WDPCP: variants seen among roughly 807,000 people sequenced by gnomAD.
WDPCP encodes WD repeat-containing and planar cell polarity effector protein fritz homolog.
Under a neutral mutation model 93.1 loss-of-function variants are expected in WDPCP, and 71 were observed. That is an observed-to-expected ratio of 0.76 (90% confidence interval 0.63 to 0.93). The LOEUF (loss-of-function observed/expected upper bound fraction) is 0.93, where lower values mean the gene tolerates loss of function less well. Among genes scored for constraint, WDPCP ranks in the 40% least tolerant of loss-of-function variants. The probability of loss-of-function intolerance (pLI) is 0.00; values close to 1 mark genes in which losing one functional copy is unlikely to be tolerated. For synonymous variants in WDPCP, 315 were observed against 315.0 expected (o/e 1.00, Z 0.00); for missense variants, 844 against 887.4 (o/e 0.95, Z 0.62).
At chr2:63,482,931 T>C (rs186974266) in intron 6 of WDPCP, among the ~76,000 whole-genome samples, 1 of 152,096 alleles carries the variant, frequency 6.6e-6, no homozygotes, top group East Asian at 1.9e-4. Flanking sequence ...TACTGTAAAT[T>C]ACAAAAGTAA....
intron 2 of WDPCP, among the ~76,000 whole-genome samples, chr2:63,734,141 A>G (rs1353666806): frequency 6.6e-6 from 1 of 152,104 alleles, no homozygotes; most frequent in Non-Finnish European, 1.5e-5. Context: ...TTATCCATTC[A>G]CCAGTTGATG....
chr2:63,622,942 C>G, intron 3 of WDPCP: 1 of 912,502 alleles, frequency 1.1e-6, no homozygotes. Flanking sequence ...CTGCCAGGCT[C>G]GTAGCTCAGT....
chr2:63,241,501 A>G (rs1474026295), intron 14 of WDPCP, among the ~76,000 whole-genome samples: 3 of 152,224 alleles, frequency 2.0e-5, no homozygotes, highest in Non-Finnish European at 4.4e-5. Flanking sequence ...TGTATTTACA[A>G]TAAGATATTT....
chr2:63,751,165 T>C (rs1669875535), intron 2 of WDPCP, among the ~76,000 whole-genome samples: 2 of 152,232 alleles, frequency 1.3e-5, no homozygotes. Context: ...ATGTTTTTGT[T>C]TAACCTGTAT....
chr2:63,722,373 G>T (rs1199177685), intron 2 of WDPCP, among the ~76,000 whole-genome samples: 3 of 145,460 alleles, frequency 2.1e-5, no homozygotes, highest in Non-Finnish European at 4.5e-5. Flanking sequence ...GAGCGCCTCT[G>T]CCCCGCCGCC....
At chr2:63,594,401 T>C (rs933411755) in intron 3 of WDPCP, 7 of 991,664 alleles carry the variant, frequency 7.1e-6, no homozygotes, top group African/African-American at 1.6e-5. Flanking sequence ...TTTTAAAGTA[T>C]GTGGATTTCT....
chr2:63,546,309 A>G (rs1282857682), intron 1 of WDPCP, among the ~76,000 whole-genome samples: 1 of 152,222 alleles, frequency 6.6e-6, no homozygotes, highest in East Asian at 1.9e-4. Flanking sequence ...TCAGAGCAAA[A>G]CAGTAATGTA....
intron 1 of WDPCP, among the ~76,000 whole-genome samples, chr2:63,567,519 A>G (rs748996982): frequency 3.3e-5 from 5 of 152,146 alleles, no homozygotes; most frequent in African/African-American, 9.7e-5. Context: ...TGAGCCCCCA[A>G]TACGCCAGGC....
chr2:63,664,580 G>A (rs1710263415), intron 2 of WDPCP, among the ~76,000 whole-genome samples: 1 of 152,130 alleles, frequency 6.6e-6, no homozygotes, highest in African/African-American at 2.4e-5. Context: ...AAGTGAGGCT[G>A]GAAACATGAC....
chr2:63,229,226 GTCT>G, intron 14 of WDPCP: 1 of 152,284 alleles, frequency 6.6e-6, no homozygotes, highest in Middle Eastern at 3.4e-3. Context: ...CTGCATAAAT[GTCT>G]TCTTTTGAGA....
At chr2:63,376,448 C>G (rs1249415113) in intron 12 of WDPCP, among the ~76,000 whole-genome samples, 2 of 151,892 alleles carry the variant, frequency 1.3e-5, no homozygotes, top group Non-Finnish European at 2.9e-5. Flanking sequence ...TAGAATAGAG[C>G]ATCCTAGAGC....
chr2:63,454,304 A>G (rs1458787194), intron 6 of WDPCP, among the ~76,000 whole-genome samples: 1 of 151,650 alleles, frequency 6.6e-6, no homozygotes, highest in Non-Finnish European at 1.5e-5. Flanking sequence ...GCATTGAACA[A>G]TGAACACATG....
At chr2:63,404,696 G>A (rs1311728735) in intron 9 of WDPCP, 39 bp from the exon 10 acceptor site, 3 of 1,611,054 alleles carry the variant, frequency 1.9e-6, no homozygotes, top group Non-Finnish European at 2.5e-6. Context: ...GATAAACTTT[G>A]GTTTTTCTTC....
intron 12 of WDPCP, chr2:63,359,939 G>A (rs1690315701): frequency 6.6e-6 from 1 of 152,300 alleles, no homozygotes; most frequent in Non-Finnish European, 1.5e-5. Context: ...AATTAGCTGG[G>A]TGTGGTGGCA....
At chr2:63,204,870 T>C (rs1391961448) in intron 14 of WDPCP, among the ~76,000 whole-genome samples, 1 of 152,194 alleles carries the variant, frequency 6.6e-6, no homozygotes, top group Non-Finnish European at 1.5e-5. Context: ...ATCCCATTTG[T>C]CCATTTTTGC....
At chr2:63,676,140 A>G (rs532874226) in intron 2 of WDPCP, among the ~76,000 whole-genome samples, 1 of 152,362 alleles carries the variant, frequency 6.6e-6, no homozygotes, top group East Asian at 1.9e-4. Context: ...ATATAAAATA[A>G]ACATCTGTTC....
chr2:63,166,863 C>T (rs911624442), intron 15 of WDPCP, among the ~76,000 whole-genome samples: 8 of 151,814 alleles, frequency 5.3e-5, no homozygotes, highest in Admixed American at 2.0e-4. Context: ...ACTGTAATTA[C>T]CCTGTTGTGC....
intron 2 of WDPCP, among the ~76,000 whole-genome samples, chr2:63,682,805 CTG>C (rs1053497711): frequency 1.9e-4 from 29 of 152,170 alleles, no homozygotes; most frequent in African/African-American, 6.0e-4. Flanking sequence ...TATTACAACA[CTG>C]TAATTGTGTT....
intron 3 of WDPCP, among the ~76,000 whole-genome samples, chr2:63,606,634 G>A (rs574753651): frequency 2.0e-5 from 3 of 151,642 alleles, no homozygotes; most frequent in African/African-American, 7.2e-5. Context: ...TATTATAACT[G>A]TGCTAAAGTC....
Sources: allele counts gnomAD v4.1 joint callset (sites outside exome capture counted in the v4.1 genomes callset), GRCh38; gene constraint gnomAD v4.1.1; transcripts MANE v1.5; gene names NCBI Gene and HGNC (gene_info 2026-07-23, HGNC 2026-07-21).